SNRNP40: variants seen among roughly 807,000 people sequenced by gnomAD.
SNRNP40 encodes U5 small nuclear ribonucleoprotein 40 kDa protein.
In SNRNP40, 21 loss-of-function variants were observed where a neutral mutation model predicts 45.8. The observed-to-expected ratio is 0.46, with a 90% CI of 0.32 to 0.66. The LOEUF (loss-of-function observed/expected upper bound fraction) is 0.66. Ranked by LOEUF, SNRNP40 falls within the 30% of genes least tolerant of loss-of-function variation. The pLI is 0.03. For synonymous variants in SNRNP40, 142 were observed against 163.8 expected, an observed-to-expected ratio of 0.87 and a Z score of 1.01; for missense variants, 344 against 439.1, an observed-to-expected ratio of 0.78 and a Z score of 1.94.
chr1:31,267,792 A>G, intron 8 of SNRNP40, 79 bp downstream of exon 8: 5 of 1,120,024 alleles, frequency 4.5e-6, no homozygotes, highest in Admixed American at 3.4e-5. Context: ...TCGGCCTCCC[A>G]AAGTGCTGGG....
intron 5 of SNRNP40, among the ~76,000 whole-genome samples, chr1:31,274,930 AC>A (rs1386205269): frequency 1.5e-4 from 23 of 152,316 alleles, no homozygotes; most frequent in African/African-American, 5.3e-4. Flanking sequence ...AGGCAGTGCT[AC>A]CTAAGATAGA....
At chr1:31,286,806 T>C (rs1386664009) in intron 4 of SNRNP40, among the ~76,000 whole-genome samples, 8 of 152,176 alleles carry the variant, frequency 5.3e-5, no homozygotes, top group Non-Finnish European at 7.3e-5. Context: ...ATGCTCTCCT[T>C]ACCACACTTG....
At chr1:31,274,664 A>AAAC (rs1553166529) in intron 5 of SNRNP40, among the ~76,000 whole-genome samples, 1 of 150,670 alleles carries the variant, frequency 6.6e-6, no homozygotes, top group African/African-American at 2.4e-5. Flanking sequence ...AAAAAAAAAA[A>AAAC]ACCAAACTGA....
chr1:31,272,483 A>C (rs1645945387), intron 5 of SNRNP40, among the ~76,000 whole-genome samples: 1 of 152,202 alleles, frequency 6.6e-6, no homozygotes, highest in African/African-American at 2.4e-5. Flanking sequence ...ACAGAGTAGA[A>C]AGAGTGGTGA....
chr1:31,280,608 C>T (rs16865959), intron 5 of SNRNP40, among the ~76,000 whole-genome samples: 3,466 of 152,146 alleles, frequency 0.023, 118 homozygotes, highest in African/African-American at 0.078. Flanking sequence ...AGGTCAAAGT[C>T]GTTAAGATCC....
Position 31,266,580 on chromosome 1 carries a change from C to T in SNRNP40, c.920+1291G>A, listed in dbSNP as rs79806063. On this transcript the variant is annotated intron_variant, in intron 8 of 9. Transcript: ENST00000263694. Reference sequence around the variant, plus strand: ...AATTCTCTCCCTTCTGTTTCTCATTCAGCACATAATGCCTGAGCCAGTTTA... The same window carrying T: ...AATTCTCTCCCTTCTGTTTCTCATTTAGCACATAATGCCTGAGCCAGTTTA... Among the ~76,000 whole-genome samples, 894 of 152,310 alleles carry T rather than the reference C, an allele frequency of 5.9e-3. 71 individuals are homozygous for T. In the East Asian group the frequency reaches 0.15, roughly 25 times the overall value.
chr1:31,295,350 C>A (rs369698285), intron 1 of SNRNP40, among the ~76,000 whole-genome samples: 1 of 151,590 alleles, frequency 6.6e-6, no homozygotes, highest in Non-Finnish European at 1.5e-5. Flanking sequence ...AACAAAAAAA[C>A]AAAAAAAGAG....
intron 8 of SNRNP40, 133 bp downstream of exon 8, chr1:31,267,738 T>C (rs976415685): frequency 1.5e-6 from 1 of 647,524 alleles, no homozygotes; most frequent in African/African-American, 1.8e-5. Context: ...TTTCTCCATG[T>C]TGGTCAGGCT....
chr1:31,269,967 A>AT (rs1645925614), intron 6 of SNRNP40, among the ~76,000 whole-genome samples: 1 of 152,140 alleles, frequency 6.6e-6, no homozygotes, highest in South Asian at 2.1e-4. Flanking sequence ...CAGTGGCGTG[A>AT]TCTCGGCTCA....
At chr1:31,288,260 A>G (rs1205790717) in intron 4 of SNRNP40, among the ~76,000 whole-genome samples, 1 of 152,188 alleles carries the variant, frequency 6.6e-6, no homozygotes, top group Non-Finnish European at 1.5e-5. Context: ...GAAGTCCCTC[A>G]CTGTTTAACA....
intron 3 of SNRNP40, among the ~76,000 whole-genome samples, chr1:31,290,955 G>A (rs575220063): frequency 1.6e-4 from 24 of 151,946 alleles, no homozygotes; most frequent in African/African-American, 5.8e-4. Flanking sequence ...CAACTAAACA[G>A]TTCTGAGTAG....
chr1:31,276,916 C>A (rs1194335024), intron 5 of SNRNP40, among the ~76,000 whole-genome samples: 1 of 152,038 alleles, frequency 6.6e-6, no homozygotes, highest in Non-Finnish European at 1.5e-5. Flanking sequence ...TGCCTGTAAT[C>A]CCAGCTACTC....
intron 5 of SNRNP40, among the ~76,000 whole-genome samples, chr1:31,274,472 A>G (rs950715763): frequency 6.6e-6 from 1 of 151,780 alleles, no homozygotes; most frequent in African/African-American, 2.4e-5. Flanking sequence ...CGATCTCTTG[A>G]CCTTGTGATC....
At chr1:31,289,568 C>T (rs1646087454) in intron 3 of SNRNP40, 149 bp from the exon 4 acceptor site, 2 of 663,272 alleles carry the variant, frequency 3.0e-6, no homozygotes, top group Non-Finnish European at 5.2e-6. Flanking sequence ...AATGCCTCAC[C>T]CTACCAAAAT....
chr1:31,291,604 G>C (rs1462526258), intron 3 of SNRNP40, among the ~76,000 whole-genome samples: 1 of 152,166 alleles, frequency 6.6e-6, no homozygotes, highest in Non-Finnish European at 1.5e-5. Context: ...CCTCGAGCAA[G>C]AGGTTGAGGC....
intron 7 of SNRNP40, among the ~76,000 whole-genome samples, chr1:31,268,789 T>G (rs757506143): frequency 2.6e-5 from 4 of 152,184 alleles, no homozygotes; most frequent in Non-Finnish European, 5.9e-5. Flanking sequence ...GGTCACGGGA[T>G]GCGGAGGCAG....
At position 31,261,815 on chromosome 1, in the gene SNRNP40, C is replaced by G; in HGVS notation, c.921-183G>C. The G allele has an allele frequency of 1.7e-5, 8 of 462,386 alleles. 1 individual carries two copies. The highest frequency in any genetic ancestry group is 6.0e-5 in the African/African-American group (3 of 49,984). The allele number at this position is 462,386 out of a possible 1,614,324, so 28.6% of individuals were successfully genotyped here. A position where few individuals can be genotyped will look rare whatever the true frequency, so the allele number is the denominator to read the frequency against. On this transcript the variant is annotated intron_variant, in intron 8 of 9. Transcript: ENST00000263694. ...ATAAGACATGGACTCACCTCTTGAG[C>G]AATGGGGTGGAGAAATAAGAATAAC...
At chr1:31,260,447 C>G (rs914335000) in intron 9 of SNRNP40, among the ~76,000 whole-genome samples, 2 of 152,034 alleles carry the variant, frequency 1.3e-5, no homozygotes, top group African/African-American at 4.8e-5. Flanking sequence ...TGTAAATGTG[C>G]TTCTGCTTGT....
intron 3 of SNRNP40, among the ~76,000 whole-genome samples, chr1:31,291,361 T>G (rs1470950769): frequency 6.6e-6 from 1 of 152,152 alleles, no homozygotes; most frequent in Admixed American, 6.5e-5. Context: ...TTTCTGCTTT[T>G]TTTGGTTTCT....
Sources: allele counts gnomAD v4.1 joint callset (sites outside exome capture counted in the v4.1 genomes callset), GRCh38; gene constraint gnomAD v4.1.1; transcripts MANE v1.5; gene names NCBI Gene and HGNC (gene_info 2026-07-23, HGNC 2026-07-21).